DNAJC1: variants seen among roughly 807,000 people sequenced by gnomAD.
DNAJC1 encodes the protein dnaJ homolog subfamily C member 1.
In DNAJC1, 58 loss-of-function variants were observed where a neutral mutation model predicts 76.6. The ratio of observed to expected loss-of-function variants is 0.76; its 90% CI spans 0.61 to 0.94. The LOEUF is 0.94. DNAJC1 is among the 40% of genes least tolerant of loss of function. The pLI, the probability that DNAJC1 is intolerant of heterozygous loss-of-function variation, is 0.00. For synonymous variants in DNAJC1, 258 were observed against 267.9 expected (o/e 0.96, Z 0.36); for missense variants, 689 against 677.3 (o/e 1.02, Z -0.19).
chr10:21,949,448 G>A lies in DNAJC1; in HGVS notation c.223-20307C>T, dbSNP rs1232073659. Among the ~76,000 whole-genome samples, 19 of 119,244 alleles carry A rather than the reference G, an allele frequency of 1.6e-4. No individual in the cohort carries two copies. The Admixed American group carries it at 2.2e-3, about 14-fold the overall frequency. The allele number at this position is 119,244 out of a possible 152,430, so 78.2% of individuals were successfully genotyped here. On this transcript the variant is annotated intron_variant, in intron 1 of 11. Coordinates refer to ENST00000376980, the MANE Select transcript of DNAJC1 (RefSeq NM_022365.4). ...TTTTTTTTTTGAGATGGAGTCTCTC[G>A]CTTTGTTGCCCAGGCTAGAGTGCAG...
At chr10:21,786,463 T>TAGAGAGAGAGAG (rs1159399044) in intron 9 of DNAJC1, among the ~76,000 whole-genome samples, 5 of 23,420 alleles carry the variant, frequency 2.1e-4, no homozygotes, top group African/African-American at 3.0e-4. Flanking sequence ...TATATATATA[T>TAGAGAGAGAGAG]AGAGAGAGAG....
At chr10:21,813,094 CACATATATATAT>C (rs1406473959) in intron 8 of DNAJC1, among the ~76,000 whole-genome samples, 16 of 66,748 alleles carry the variant, frequency 2.4e-4, no homozygotes, top group African/African-American at 8.8e-4. Flanking sequence ...TATACACACA[CACATATATATAT>C]ATATATATAT....
At position 21,947,113 on chromosome 10, in the gene DNAJC1, T is replaced by C. The variant is rs375389146; in HGVS notation, c.223-17972A>G. Among the ~76,000 whole-genome samples the C allele has an allele frequency of 3.0e-4, 46 of 152,342 alleles. 3 individuals are homozygous for C. The highest frequency in any genetic ancestry group is 1.0e-3 in the African/African-American group (42 of 41,582). On this transcript the variant is annotated intron_variant, in intron 1 of 11. Coordinates refer to ENST00000376980, the MANE Select transcript of DNAJC1 (RefSeq NM_022365.4). ...TTACCCAGTCTGTGGTATTCTGTCA[T>C]AGTAAAACAAAATTTCATGTGCATG...
chr10:21,953,375 A>C (rs1028063637), intron 1 of DNAJC1, among the ~76,000 whole-genome samples: 1 of 152,014 alleles, frequency 6.6e-6, no homozygotes, highest in Non-Finnish European at 1.5e-5. Context: ...TGTTTGACTC[A>C]AAGTTTAACA....
chr10:22,003,382 C>T lies in DNAJC1; in HGVS notation c.53G>A (p.Gly18Glu), dbSNP rs1165997256. ...CGGCGGCGGCGGGAACGGCACCAGC[C>T]CGAGCTGGCGGCGTCCAGGAAGCTG... ...PAQLPGRRQLGLVPFPPPPPR... is the reference protein window; with the variant it reads ...PAQLPGRRQLELVPFPPPPPR... The change falls in exon 1 of 12, where the codon GGG becomes GAG. Residue 18 changes from glycine (G) to glutamate (E), a missense_variant. Physicochemically the swap from Gly to Glu is moderately conservative, Grantham distance 98 (BLOSUM62 -2). Transcript: ENST00000376980. 3.6e-6 allele frequency: 5 copies of T among 1,387,956 alleles called. No homozygotes were observed. The highest frequency in any genetic ancestry group is 4.7e-6 in the Non-Finnish European group (5 of 1,073,588). The allele number at this position is 1,387,956 out of a possible 1,614,324, so 86.0% of individuals were successfully genotyped here.
At chr10:21,908,712 C>T (rs1462360851) in intron 6 of DNAJC1, among the ~76,000 whole-genome samples, 1 of 151,888 alleles carries the variant, frequency 6.6e-6, no homozygotes, top group Non-Finnish European at 1.5e-5. Flanking sequence ...ATGCTTACTT[C>T]AATTGATTAG....
chr10:21,822,231 G>C (rs1479442781), intron 8 of DNAJC1, among the ~76,000 whole-genome samples: 4 of 152,072 alleles, frequency 2.6e-5, no homozygotes, highest in Non-Finnish European at 5.9e-5. Flanking sequence ...TTGAGGTCAG[G>C]AGTTCGCGAC....
chr10:21,885,419 T>C (rs1372204510), intron 7 of DNAJC1, among the ~76,000 whole-genome samples: 1 of 152,108 alleles, frequency 6.6e-6, no homozygotes, highest in African/African-American at 2.4e-5. Flanking sequence ...TTGACAGTAT[T>C]AGACAGATCA....
At chr10:21,764,249 A>G (rs1304349103) in intron 10 of DNAJC1, among the ~76,000 whole-genome samples, 1 of 152,230 alleles carries the variant, frequency 6.6e-6, no homozygotes, top group South Asian at 2.1e-4. Context: ...GAAAAAATGT[A>G]AAACAGTATT....
At chr10:21,895,217 A>C (rs1836522262) in intron 7 of DNAJC1, among the ~76,000 whole-genome samples, 1 of 152,184 alleles carries the variant, frequency 6.6e-6, no homozygotes. Context: ...GCAGAAGAGG[A>C]GAGCTGTAGA....
chr10:21,813,175 C>CCTCTCTCTCT (rs532971786), intron 8 of DNAJC1, among the ~76,000 whole-genome samples: 3 of 28,330 alleles, frequency 1.1e-4, no homozygotes, highest in Admixed American at 5.5e-4. Context: ...TCTCTCTCTC[C>CCTCTCTCTCT]CTCTCTCTCT....
chr10:21,960,041 T>G (rs1367671961), intron 1 of DNAJC1, among the ~76,000 whole-genome samples: 1 of 152,190 alleles, frequency 6.6e-6, no homozygotes, highest in African/African-American at 2.4e-5. Flanking sequence ...TATGATTTTT[T>G]GCCTGGATTA....
At chr10:21,766,605 T>C (rs1834302367) in intron 9 of DNAJC1, among the ~76,000 whole-genome samples, 1 of 152,104 alleles carries the variant, frequency 6.6e-6, no homozygotes, top group African/African-American at 2.4e-5. Flanking sequence ...GCTGCCTCTT[T>C]TCATTTTTAT....
At chr10:21,990,431 C>T (rs1838309750) in intron 1 of DNAJC1, among the ~76,000 whole-genome samples, 1 of 151,990 alleles carries the variant, frequency 6.6e-6, no homozygotes, top group African/African-American at 2.4e-5. Flanking sequence ...TTCCCTTGTG[C>T]ATTTTATTTT....
In DNAJC1 at chr10:21,889,975, G is replaced by T. The variant is rs557899685; in HGVS notation, c.821-7536C>A. On this transcript the variant is annotated intron_variant, in intron 7 of 11. Coordinates refer to ENST00000376980, the MANE Select transcript of DNAJC1 (RefSeq NM_022365.4). The stretch of plus-strand genomic sequence containing the variant: ...TGAGGCACCCAACCTCCCCACCAGG[G>T]TGATGTGAGAGAGAAGGCTAAAAGG... Among the ~76,000 whole-genome samples, 4 of 152,302 alleles carry T rather than the reference G, an allele frequency of 2.6e-5. No homozygotes were observed. The East Asian group carries it at 7.7e-4, about 29-fold the overall frequency.
intron 10 of DNAJC1, among the ~76,000 whole-genome samples, chr10:21,763,583 T>TA (rs1554884502): frequency 6.6e-6 from 1 of 150,852 alleles, no homozygotes; most frequent in African/African-American, 2.4e-5. Flanking sequence ...TTTTTTTTTT[T>TA]AGACCCTACG....
intron 6 of DNAJC1, 53 bp downstream of exon 6, chr10:21,918,726 A>AT (rs1836992566): frequency 1.5e-6 from 2 of 1,345,526 alleles, no homozygotes; most frequent in Non-Finnish European, 2.1e-6. Context: ...AAATTATTTC[A>AT]TGAGTGATTA....
chr10:21,988,849 T>C (rs542777510), intron 1 of DNAJC1, among the ~76,000 whole-genome samples: 50 of 152,346 alleles, frequency 3.3e-4, no homozygotes, highest in African/African-American at 1.2e-3. Context: ...CCCATGTTTT[T>C]CTGACACGCA....
intron 8 of DNAJC1, among the ~76,000 whole-genome samples, chr10:21,811,342 G>T (rs907525026): frequency 6.6e-6 from 1 of 152,168 alleles, no homozygotes; most frequent in Non-Finnish European, 1.5e-5. Flanking sequence ...ATTACAAATT[G>T]TATTAAGCCC....
Sources: allele counts gnomAD v4.1 joint callset (sites outside exome capture counted in the v4.1 genomes callset), GRCh38; gene constraint gnomAD v4.1.1; transcripts MANE v1.5; gene names NCBI Gene and HGNC (gene_info 2026-07-23, HGNC 2026-07-21).